NARS1: variants seen among roughly 807,000 people sequenced by gnomAD.
The protein encoded by NARS1 is asparaginyl-tRNA synthetase 1.
A neutral mutation model predicts 79.2 loss-of-function variants in NARS1; 65 were observed. The observed-to-expected ratio is 0.82, with a 90% CI of 0.67 to 1.01. The LOEUF (loss-of-function observed/expected upper bound fraction) is 1.01. NARS1 is among the 50% of genes least tolerant of loss of function. NARS1 has a pLI of 0.00. For missense variants in NARS1, 649 were observed against 673.8 expected (o/e 0.96, Z 0.41); for synonymous variants, 229 against 238.8 (o/e 0.96, Z 0.38).
chr18:57,611,019 G>A (rs1344230299), intron 6 of NARS1, among the ~76,000 whole-genome samples: 3 of 145,918 alleles, frequency 2.1e-5, no homozygotes, highest in Non-Finnish European at 4.5e-5. Flanking sequence ...CAGGCTGGAA[G>A]GTGGTGGCAT....
chr18:57,619,865 T>G (rs909266851), intron 2 of NARS1, among the ~76,000 whole-genome samples: 5 of 152,050 alleles, frequency 3.3e-5, no homozygotes, highest in Non-Finnish European at 1.5e-5. Context: ...TTTTTATGTT[T>G]TTTGTAGAGC....
Position 57,601,515 on chromosome 18 carries a change from GT to G in NARS1, c.*136del. 1 of 829,562 alleles carries G rather than the reference GT, an allele frequency of 1.2e-6. No homozygotes were observed. The highest frequency in any genetic ancestry group is 2.5e-5 in the South Asian group (1 of 40,486). The allele number at this position is 829,562 out of a possible 1,614,324, so 51.4% of individuals were successfully genotyped here. On this transcript the variant is annotated 3_prime_UTR_variant, in exon 14 of 14. Transcript: ENST00000256854. ...CTTGATGTTCAGGTGATTTGAGATA[GT>G]TTTTATGGTAGTAGAAAGAAAAACA...
chr18:57,610,176 T>C (rs1231973395), intron 6 of NARS1, among the ~76,000 whole-genome samples: 1 of 152,008 alleles, frequency 6.6e-6, no homozygotes, highest in Non-Finnish European at 1.5e-5. Context: ...CCACTAGTCA[T>C]AAAAAAGACA....
At chr18:57,611,556 T>G in intron 6 of NARS1, 81 bp downstream of exon 6, 1 of 949,146 alleles carries the variant, frequency 1.1e-6, no homozygotes. Context: ...TAATAAATGT[T>G]TTAAATAAAT....
At chr18:57,605,121 GA>G (rs199936147) in intron 11 of NARS1, among the ~76,000 whole-genome samples, 1 of 125,460 alleles carries the variant, frequency 8.0e-6, no homozygotes, top group African/African-American at 3.2e-5. Context: ...ACATTCTCCA[GA>G]AAAAAAAAAA....
intron 2 of NARS1, among the ~76,000 whole-genome samples, chr18:57,617,355 G>A (rs988470288): frequency 1.2e-4 from 18 of 151,388 alleles, no homozygotes; most frequent in African/African-American, 3.9e-4. Context: ...GGCGGATCAC[G>A]AGGTCAGGAG....
chr18:57,613,649 C>T lies in NARS1; in HGVS notation c.374G>A (p.Gly125Asp). ...CCAGCCAAACACCTTTACTCTTTGG[C>T]CTCTATATCCTTCTAACGCACCAAT... Reference protein sequence around the residue: ...VKIGALEGYRGQRVKVFGWVH... With the variant: ...VKIGALEGYRDQRVKVFGWVH... Residue 125 changes from glycine to aspartate, a missense_variant, in exon 5 of 14, where the codon GGC becomes GAC. By Grantham distance (94) the Gly-to-Asp change is moderately conservative. Coordinates refer to ENST00000256854, the MANE Select transcript of NARS1 (RefSeq NM_004539.4). 1.2e-6 allele frequency: 2 copies of T among 1,614,102 alleles called. No homozygotes were observed. The highest frequency in any genetic ancestry group is 1.3e-5 in the African/African-American group (1 of 75,034).
rs17526105 is a variant in NARS1, at chr18:57,621,776, T to C, written c.-59A>G. 2,162 of 1,612,940 alleles carry C rather than the reference T, an allele frequency of 1.3e-3. 52 individuals carry two copies. The East Asian group carries it at 0.043, about 32-fold the overall frequency. Reference sequence around the variant, plus strand: ...AGACTGCAACACCGACGCCGTCTTATGACTCCAACGTGCACCGGCGGTTTC... The same window carrying C: ...AGACTGCAACACCGACGCCGTCTTACGACTCCAACGTGCACCGGCGGTTTC... On this transcript the variant is annotated 5_prime_UTR_variant, in exon 1 of 14. Coordinates refer to ENST00000256854, the MANE Select transcript of NARS1 (RefSeq NM_004539.4).
intron 11 of NARS1, among the ~76,000 whole-genome samples, chr18:57,603,180 A>C (rs1319672657): frequency 2.0e-5 from 3 of 152,110 alleles, no homozygotes; most frequent in African/African-American, 7.2e-5. Flanking sequence ...TTTACAGCAT[A>C]TCTCAAGCAC....
At chr18:57,602,646 G>C in intron 12 of NARS1, 160 bp from the exon 13 acceptor site, 1 of 1,195,004 alleles carries the variant, frequency 8.4e-7, no homozygotes, top group Non-Finnish European at 1.2e-6. Context: ...ATTTAACAAA[G>C]CATGTCAACT....
chr18:57,605,830 G>T, intron 11 of NARS1, 27 bp downstream of exon 11: 10 of 1,479,876 alleles, frequency 6.8e-6, no homozygotes, highest in Non-Finnish European at 9.3e-6. Flanking sequence ...TCCCACCTTG[G>T]AAACAATGAG....
chr18:57,602,546 C>T (rs2051517827), intron 12 of NARS1, 60 bp from the exon 13 acceptor site: 6 of 1,559,880 alleles, frequency 3.8e-6, no homozygotes, highest in Middle Eastern at 1.7e-4. Flanking sequence ...CACAGCACTG[C>T]CCTAGAGTTT....
chr18:57,612,805 TATAAA>T (rs2051615411), intron 5 of NARS1, among the ~76,000 whole-genome samples: 1 of 152,082 alleles, frequency 6.6e-6, no homozygotes. Flanking sequence ...GTTTATATAT[TATAAA>T]ATATATAATA....
chr18:57,616,050 T>C (rs775950428), intron 2 of NARS1, 75 bp from the exon 3 acceptor site: 23 of 1,316,672 alleles, frequency 1.7e-5, no homozygotes, highest in African/African-American at 3.0e-5. Flanking sequence ...ATCTCAAGTA[T>C]AAGGCAACTG....
rs115626011 is a variant in NARS1 at position 57,615,545 on chromosome 18, T to C, written c.342+96A>G. 757 of 795,660 alleles carry C rather than the reference T, an allele frequency of 9.5e-4. 3 individuals carry two copies. In the African/African-American group the frequency reaches 0.011, roughly 12 times the overall value. The allele number at this position is 795,660 out of a possible 1,614,324, so 49.3% of individuals were successfully genotyped here. A position where few individuals can be genotyped will look rare whatever the true frequency, so the allele number is the denominator to read the frequency against. On this transcript the variant is annotated intron_variant, in intron 4 of 13. Transcript: ENST00000256854. ...AAATAAATGGAAAGTAAAAACAAAA[T>C]GTAAAGGAACAAACCATGTGACATG...
chr18:57,601,812 G>C (rs1049617595), intron 13 of NARS1, 29 bp from the exon 14 acceptor site: 8 of 1,603,146 alleles, frequency 5.0e-6, no homozygotes, highest in East Asian at 4.5e-5. Context: ...AAAGAAAGAG[G>C]AGTAAATACT....
At chr18:57,611,765 T>C (rs1348127225) in intron 5 of NARS1, 58 bp from the exon 6 acceptor site, 3 of 946,066 alleles carry the variant, frequency 3.2e-6, no homozygotes, top group African/African-American at 1.8e-5. Context: ...AAATTTTATA[T>C]ATATATATAA....
intron 11 of NARS1, among the ~76,000 whole-genome samples, chr18:57,603,555 A>T (rs1389612170): frequency 6.6e-6 from 1 of 152,238 alleles, no homozygotes; most frequent in African/African-American, 2.4e-5. Context: ...TTAGATGATG[A>T]CTTAAGCGCA....
chr18:57,606,636 T>C lies in NARS1; in HGVS notation c.1117A>G (p.Ile373Val). 1.2e-6 allele frequency: 2 copies of C among 1,614,148 alleles called. No homozygotes were observed. Among genetic ancestry groups the C allele is most frequent in the South Asian group, 1.1e-5 (1 of 91,086 alleles). ...DRILKSPAGS[I>V]VHELNPNFQP... The stretch of plus-strand genomic sequence containing the variant: ...CCTACCGGGTTGAGCTCATGCACTA[T>C]GCTCCCTGCAGGTGACTTCAATATT... Residue 373 changes from isoleucine (I) to valine (V), a missense_variant, in exon 10 of 14, where the codon ATA becomes GTA. Transcript: ENST00000256854.
Sources: allele counts gnomAD v4.1 joint callset (sites outside exome capture counted in the v4.1 genomes callset), GRCh38; gene constraint gnomAD v4.1.1; transcripts MANE v1.5; gene names NCBI Gene and HGNC (gene_info 2026-07-23, HGNC 2026-07-21).